The following IGFL2 variants were observed in gnomAD, a reference collection of about 807,000 sequenced individuals.
IGFL2 encodes insulin growth factor-like family member 2.
A neutral mutation model predicts 13.9 loss-of-function variants in IGFL2; 7 were observed. The ratio of observed to expected loss-of-function variants is 0.51; its 90% CI spans 0.29 to 0.95. The LOEUF (loss-of-function observed/expected upper bound fraction) is 0.95, where lower values mean the gene tolerates loss of function less well. Ranked by LOEUF, IGFL2 falls within the 40% of genes least tolerant of loss-of-function variation. The pLI, the probability that IGFL2 is intolerant of heterozygous loss-of-function variation, is 0.08. For missense variants in IGFL2, 138 were observed against 147.8 expected (o/e 0.93, Z 0.34); for synonymous variants, 55 against 55.8 (o/e 0.99, Z 0.07).
the IGFL2 span, among the ~76,000 whole-genome samples, chr19:46,194,366 G>T: frequency 6.6e-6 from 1 of 152,082 alleles, no homozygotes; most frequent in South Asian, 2.1e-4. Context: ...ACCTCCTGTG[G>T]TATCAGCCAG....
Position 46,148,917 on chromosome 19 carries a change from G to T in IGFL2, c.19+620G>T. 4 of 1,553,140 alleles carry T rather than the reference G, an allele frequency of 2.6e-6. No individual in the cohort carries two copies. In the South Asian group the frequency reaches 4.8e-5, roughly 18 times the overall value. On this transcript the variant is annotated intron_variant, in intron 1 of 3. Transcript: ENST00000377693. ...GTGATGAGGGGATCATCCTGCCCTCGAACCAGACCCAGCCCTGTAGCCCAG... is the reference window on the plus strand; with the variant it reads ...GTGATGAGGGGATCATCCTGCCCTCTAACCAGACCCAGCCCTGTAGCCCAG...
At chr19:46,179,891 G>A in the IGFL2 span, among the ~76,000 whole-genome samples, 1 of 151,924 alleles carries the variant, frequency 6.6e-6, no homozygotes, top group East Asian at 1.9e-4. Flanking sequence ...ACTCCAGCCT[G>A]GGCGACAGAG....
At chr19:46,184,092 A>G in the IGFL2 span, among the ~76,000 whole-genome samples, 11 of 151,998 alleles carry the variant, frequency 7.2e-5, no homozygotes, top group South Asian at 1.0e-3. Context: ...ATTTAATTCT[A>G]ATTTTATTGG....
At chr19:46,135,718 C>T in the IGFL2 span, among the ~76,000 whole-genome samples, 24 of 152,200 alleles carry the variant, frequency 1.6e-4, no homozygotes, top group Non-Finnish European at 4.4e-5. Context: ...CTTTCCTGGA[C>T]AGGCTTGCAG....
chr19:46,131,791 T>G, the IGFL2 span, among the ~76,000 whole-genome samples: 3 of 152,136 alleles, frequency 2.0e-5, no homozygotes, highest in Non-Finnish European at 4.4e-5. Flanking sequence ...ATACAAAAGT[T>G]AGCCGGGCAT....
chr19:46,208,186 G>C, the IGFL2 span: 1 of 152,278 alleles, frequency 6.6e-6, no homozygotes, highest in Non-Finnish European at 1.5e-5. Flanking sequence ...CAGCTTCCCA[G>C]CCCTTCCTCA....
the IGFL2 span, among the ~76,000 whole-genome samples, chr19:46,088,921 GGAAA>G: frequency 1.3e-5 from 2 of 152,150 alleles, no homozygotes; most frequent in East Asian, 3.9e-4. Flanking sequence ...GATTGAAATA[GGAAA>G]AGGAAGTCAT....
chr19:46,195,182 A>G, the IGFL2 span: 1 of 151,422 alleles, frequency 6.6e-6, no homozygotes, highest in Non-Finnish European at 1.5e-5. Context: ...TGCCAAGTTA[A>G]TTTTTGTATT....
At chr19:46,160,117 T>C (rs1974067078) in intron 1 of IGFL2, 1 of 431,626 alleles carries the variant, frequency 2.3e-6, no homozygotes, top group African/African-American at 2.0e-5. Context: ...GGTTAATCTT[T>C]AACAGCTGCT....
the IGFL2 span, among the ~76,000 whole-genome samples, chr19:46,116,984 TA>T: frequency 6.6e-6 from 1 of 152,180 alleles, no homozygotes; most frequent in Admixed American, 6.5e-5. Context: ...TAATAACTAG[TA>T]AAAATTTTAT....
upstream of IGFL2, among the ~76,000 whole-genome samples, chr19:46,143,910 T>G (rs1972982773): frequency 6.6e-6 from 1 of 152,228 alleles, no homozygotes; most frequent in African/African-American, 2.4e-5. Flanking sequence ...TGTTATTTGT[T>G]GAATGCCCCA....
chr19:46,122,918 T>C, the IGFL2 span, among the ~76,000 whole-genome samples: 1 of 150,900 alleles, frequency 6.6e-6, no homozygotes, highest in East Asian at 2.0e-4. Context: ...TTTGTTTAGC[T>C]CACTATCCAG....
the IGFL2 span, among the ~76,000 whole-genome samples, chr19:46,114,690 C>G: frequency 6.6e-6 from 1 of 152,140 alleles, no homozygotes; most frequent in Non-Finnish European, 1.5e-5. Flanking sequence ...TCTCTCCTGC[C>G]ACCATGTAAG....
the IGFL2 span, chr19:46,174,099 G>C: frequency 2.0e-5 from 3 of 152,230 alleles, no homozygotes; most frequent in African/African-American, 7.2e-5. Flanking sequence ...TAGCACCCCT[G>C]CCTGCCTGGG....
the IGFL2 span, among the ~76,000 whole-genome samples, chr19:46,112,547 C>T: frequency 6.6e-6 from 1 of 152,196 alleles, no homozygotes. Flanking sequence ...GGAGGCGAAA[C>T]CAGTACAGTC....
At chr19:46,152,395 G>A (rs1472268534) in intron 1 of IGFL2, among the ~76,000 whole-genome samples, 1 of 151,738 alleles carries the variant, frequency 6.6e-6, no homozygotes, top group Non-Finnish European at 1.5e-5. Context: ...TCCTGCCTCA[G>A]CTTCCTGAGC....
chr19:46,212,737 C>CTCCT, the IGFL2 span: 81 of 147,834 alleles, frequency 5.5e-4, no homozygotes, highest in African/African-American at 2.0e-3. Flanking sequence ...CTCTCTCTCT[C>CTCCT]CTCTCACTGT....
At chr19:46,098,086 G>C in the IGFL2 span, among the ~76,000 whole-genome samples, 1 of 152,130 alleles carries the variant, frequency 6.6e-6, no homozygotes, top group Non-Finnish European at 1.5e-5. Flanking sequence ...ATGATAGTCT[G>C]ATATTGACAG....
At chr19:46,197,688 T>C in the IGFL2 span, among the ~76,000 whole-genome samples, 1 of 152,140 alleles carries the variant, frequency 6.6e-6, no homozygotes, top group African/African-American at 2.4e-5. Context: ...TGCACCACTG[T>C]GCCCAGCTAA....
Sources: allele counts gnomAD v4.1 joint callset (sites outside exome capture counted in the v4.1 genomes callset), GRCh38; gene constraint gnomAD v4.1.1; transcripts MANE v1.5; gene names NCBI Gene and HGNC (gene_info 2026-07-23, HGNC 2026-07-21).